The following WDR89 variants were observed in gnomAD, a reference collection of about 807,000 sequenced individuals.
WDR89 encodes WD repeat-containing protein 89.
A neutral mutation model predicts 29.1 loss-of-function variants in WDR89; 17 were observed. The ratio of observed to expected loss-of-function variants is 0.58; its 90% CI spans 0.40 to 0.88. WDR89 has a LOEUF of 0.88. Ranked by LOEUF, WDR89 falls within the 40% of genes least tolerant of loss-of-function variation. The pLI is 0.00. For missense variants in WDR89, 396 were observed against 456.3 expected (o/e 0.87, Z 1.20); for synonymous variants, 138 against 157.8 (o/e 0.87, Z 0.94).
chr14:63,622,162 C>T (rs550952787), intron 2 of WDR89, among the ~76,000 whole-genome samples: 2 of 152,276 alleles, frequency 1.3e-5, no homozygotes, highest in Admixed American at 6.5e-5. Flanking sequence ...CAGTCAGATG[C>T]GGTGGCTCAT....
intron 1 of WDR89, among the ~76,000 whole-genome samples, chr14:63,631,702 C>G (rs1265716907): frequency 2.6e-5 from 4 of 152,030 alleles, no homozygotes; most frequent in Admixed American, 2.6e-4. Context: ...AAATATTCAG[C>G]AAGTTAACAT....
rs1270896979 is a variant in WDR89, at chr14:63,597,206, A to G, written c.*1573T>C. On this transcript the variant is annotated 3_prime_UTR_variant, in exon 3 of 3. Coordinates refer to ENST00000620954, the MANE Select transcript of WDR89 (RefSeq NM_080666.4). ...AAGGGGCAGAGCCCTTTATAAAACCATCAGATCTTGTGAGAACTCACCCAC... is the reference window on the plus strand; with the variant it reads ...AAGGGGCAGAGCCCTTTATAAAACCGTCAGATCTTGTGAGAACTCACCCAC... 6.6e-6 allele frequency: 1 copy of G among 152,234 alleles called. No homozygotes were observed. The highest frequency in any genetic ancestry group is 1.5e-5 in the Non-Finnish European group (1 of 68,042). The allele number at this position is 152,234 out of a possible 1,614,324, so 9.4% of individuals were successfully genotyped here. A position where few individuals can be genotyped will look rare whatever the true frequency, so the allele number is the denominator to read the frequency against.
At chr14:63,612,064 T>C (rs1348940853) in intron 2 of WDR89, among the ~76,000 whole-genome samples, 1 of 152,068 alleles carries the variant, frequency 6.6e-6, no homozygotes, top group African/African-American at 2.4e-5. Context: ...ATGTTTATAG[T>C]TCTAGACAGA....
chr14:63,640,825 C>T (rs1237277951), intron 1 of WDR89, among the ~76,000 whole-genome samples: 2 of 147,968 alleles, frequency 1.4e-5, no homozygotes, highest in Non-Finnish European at 3.0e-5. Context: ...CGGCCGGGCA[C>T]GGTGGCTCAC....
At chr14:63,616,574 G>A (rs1264748483) in intron 2 of WDR89, among the ~76,000 whole-genome samples, 2 of 152,160 alleles carry the variant, frequency 1.3e-5, no homozygotes, top group African/African-American at 2.4e-5. Context: ...AAATGAGGGA[G>A]GCAAGGGAGT....
intron 1 of WDR89, chr14:63,630,636 C>T (rs1883338540): frequency 6.7e-6 from 1 of 148,478 alleles, no homozygotes; most frequent in Non-Finnish European, 1.5e-5. Flanking sequence ...GGGCGAGACT[C>T]TGTCTCACAA....
chr14:63,624,282 C>T (rs1318214210), intron 2 of WDR89, among the ~76,000 whole-genome samples: 1 of 152,040 alleles, frequency 6.6e-6, no homozygotes, highest in Non-Finnish European at 1.5e-5. Flanking sequence ...GCCTGGGTGA[C>T]ATGGCAAAAC....
intron 2 of WDR89, among the ~76,000 whole-genome samples, chr14:63,617,588 G>A (rs751897054): frequency 6.6e-6 from 1 of 152,002 alleles, no homozygotes; most frequent in East Asian, 1.9e-4. Context: ...AGGTTCAAGC[G>A]ATACTCCTGC....
chr14:63,640,661 G>C (rs566351553), intron 1 of WDR89, among the ~76,000 whole-genome samples: 63 of 151,706 alleles, frequency 4.2e-4, no homozygotes, highest in African/African-American at 1.4e-3. Context: ...ATTCGTAGTA[G>C]AGACGGGGGT....
intron 2 of WDR89, among the ~76,000 whole-genome samples, chr14:63,600,315 G>A (rs1238009679): frequency 6.6e-6 from 1 of 151,984 alleles, no homozygotes; most frequent in Non-Finnish European, 1.5e-5. Flanking sequence ...GCAACATGGG[G>A]AGACCCCCCC....
At chr14:63,621,308 A>C (rs1882680198) in intron 2 of WDR89, among the ~76,000 whole-genome samples, 1 of 152,176 alleles carries the variant, frequency 6.6e-6, no homozygotes. Context: ...GCAGTGGCAC[A>C]ATCTCGCAAT....
At chr14:63,635,656 G>A (rs980307066) in intron 1 of WDR89, among the ~76,000 whole-genome samples, 3 of 152,046 alleles carry the variant, frequency 2.0e-5, no homozygotes, top group Admixed American at 1.3e-4. Context: ...AGAAATAAAG[G>A]GCATCCAAAT....
At chr14:63,620,004 C>CAAAAAAAAAAAAAA (rs71120271) in intron 2 of WDR89, among the ~76,000 whole-genome samples, 1 of 72,470 alleles carries the variant, frequency 1.4e-5, no homozygotes, top group African/African-American at 5.1e-5. Context: ...GACTCCATCT[C>CAAAAAAAAAAAAAA]AAAAAAAAAA....
chr14:63,606,724 C>T (rs1895341062), intron 2 of WDR89, among the ~76,000 whole-genome samples: 1 of 152,172 alleles, frequency 6.6e-6, no homozygotes, highest in African/African-American at 2.4e-5. Flanking sequence ...CTGGAGTTCA[C>T]CAAATGCTAG....
chr14:63,598,754 A>G lies in WDR89; in HGVS notation c.*25T>C. The G allele has an allele frequency of 1.9e-6, 3 of 1,542,620 alleles. No individual in the cohort carries two copies. Among genetic ancestry groups the G allele is most frequent in the Non-Finnish European group, 2.6e-6 (3 of 1,147,160 alleles). On this transcript the variant is annotated 3_prime_UTR_variant, in exon 3 of 3. Coordinates refer to ENST00000620954, the MANE Select transcript of WDR89 (RefSeq NM_080666.4). ...AGGACTATTTGAAACTATAAAACCT[A>G]CCAAACAAAGTGCCAAATGCATTAT... is the stretch of plus-strand genomic sequence containing the variant.
chr14:63,640,889 G>A (rs971890325), intron 1 of WDR89, among the ~76,000 whole-genome samples: 1 of 150,594 alleles, frequency 6.6e-6, no homozygotes, highest in African/African-American at 2.4e-5. Context: ...CCTGAAGTCA[G>A]GAGTTCGAGA....
chr14:63,611,335 CAA>C (rs769975882), intron 2 of WDR89, among the ~76,000 whole-genome samples: 1,420 of 22,576 alleles, frequency 0.063, 2 homozygotes, highest in Non-Finnish European at 0.078. Context: ...GGCCCTGTCG[CAA>C]AAAAAAAAAA....
At position 63,597,439 on chromosome 14, in the gene WDR89, T is replaced by C. The variant is rs1328944974; in HGVS notation, c.*1340A>G. 1 of 152,244 alleles carries C rather than the reference T, an allele frequency of 6.6e-6. No individual in the cohort carries two copies. Among genetic ancestry groups the C allele is most frequent in the African/African-American group, 2.4e-5 (1 of 41,472 alleles). The allele number at this position is 152,244 out of a possible 1,614,324, so 9.4% of individuals were successfully genotyped here. On this transcript the variant is annotated 3_prime_UTR_variant, in exon 3 of 3. Transcript: ENST00000620954. ...AACTTTTTTCACTTTCTAAAACTGT[T>C]AGTCTGGTTTTGACCCCTGTATTTA...
chr14:63,607,853 C>T (rs1881677489), intron 2 of WDR89, among the ~76,000 whole-genome samples: 1 of 147,616 alleles, frequency 6.8e-6, no homozygotes, highest in South Asian at 2.1e-4. Context: ...TACACTCCAG[C>T]CTGGGCAACA....
Sources: allele counts gnomAD v4.1 joint callset (sites outside exome capture counted in the v4.1 genomes callset), GRCh38; gene constraint gnomAD v4.1.1; transcripts MANE v1.5; gene names NCBI Gene and HGNC (gene_info 2026-07-23, HGNC 2026-07-21).